The following DLC1 variants were observed in gnomAD, a reference collection of about 807,000 sequenced individuals.
DLC1 encodes rho GTPase-activating protein 7.
A neutral mutation model predicts 140.3 loss-of-function variants in DLC1; 54 were observed. The observed-to-expected ratio is 0.38, with a 90% CI of 0.31 to 0.48. The LOEUF is 0.48. DLC1 is among the 20% of genes least tolerant of loss of function. The pLI, the probability that DLC1 is intolerant of heterozygous loss-of-function variation, is 0.96. For missense variants in DLC1, 2,536 were observed against 1,907.0 expected (o/e 1.33, Z -6.14); for synonymous variants, 986 against 728.1 (o/e 1.35, Z -5.70).
At chr8:13,479,826 GA>G (rs56249124) in intron 2 of DLC1, among the ~76,000 whole-genome samples, 3,908 of 37,294 alleles carry the variant, frequency 0.1, 566 homozygotes, top group African/African-American at 0.21. Flanking sequence ...AGAAGAAGAA[GA>G]AGAAGAAGAA....
At chr8:13,187,796 A>G (rs1826472188) in intron 5 of DLC1, among the ~76,000 whole-genome samples, 1 of 152,196 alleles carries the variant, frequency 6.6e-6, no homozygotes, top group Non-Finnish European at 1.5e-5. Context: ...TATTCACTGC[A>G]TGTTGGACTT....
At chr8:13,540,769 C>G (rs1412452308) in intron 1 of DLC1, among the ~76,000 whole-genome samples, 1 of 152,206 alleles carries the variant, frequency 6.6e-6, no homozygotes, top group East Asian at 1.9e-4. Context: ...ATGGCAATCA[C>G]TCATCTGGGG....
chr8:13,451,012 C>T (rs1403468878), intron 2 of DLC1, among the ~76,000 whole-genome samples: 3 of 102,522 alleles, frequency 2.9e-5, no homozygotes, highest in Non-Finnish European at 5.6e-5. Flanking sequence ...GCACTCCAGC[C>T]TGGTGATAGA....
intron 5 of DLC1, among the ~76,000 whole-genome samples, chr8:13,246,045 G>A (rs1423135154): frequency 6.6e-6 from 1 of 152,094 alleles, no homozygotes; most frequent in Non-Finnish European, 1.5e-5. Flanking sequence ...CTTTAAACAA[G>A]CTGAAGAAAA....
At chr8:13,419,294 G>A (rs1838206699) in intron 2 of DLC1, among the ~76,000 whole-genome samples, 1 of 151,916 alleles carries the variant, frequency 6.6e-6, no homozygotes, top group Admixed American at 6.6e-5. Context: ...TCTTGTGCCA[G>A]TTTTCAAAGG....
intron 2 of DLC1, among the ~76,000 whole-genome samples, chr8:13,412,276 A>G (rs902448257): frequency 6.6e-6 from 1 of 152,204 alleles, no homozygotes; most frequent in Non-Finnish European, 1.5e-5. Flanking sequence ...AGAAATCATG[A>G]CCACACTCAA....
chr8:13,263,425 A>T (rs1830547031), intron 5 of DLC1, among the ~76,000 whole-genome samples: 1 of 152,152 alleles, frequency 6.6e-6, no homozygotes, highest in Non-Finnish European at 1.5e-5. Flanking sequence ...GTTACATTTT[A>T]GCTTGATCTG....
intron 1 of DLC1, among the ~76,000 whole-genome samples, chr8:13,522,726 A>C (rs1802802703): frequency 6.6e-6 from 1 of 152,294 alleles, no homozygotes; most frequent in East Asian, 1.9e-4. Context: ...TGAAAACAGA[A>C]AATGCAGAGC....
At chr8:13,481,595 C>G (rs950398217) in intron 2 of DLC1, among the ~76,000 whole-genome samples, 4 of 152,142 alleles carry the variant, frequency 2.6e-5, no homozygotes, top group African/African-American at 4.8e-5. Flanking sequence ...ATACCAGACT[C>G]CATTAGAATG....
intron 2 of DLC1, among the ~76,000 whole-genome samples, chr8:13,415,613 A>T (rs1021093862): frequency 2.6e-5 from 4 of 151,720 alleles, no homozygotes; most frequent in Non-Finnish European, 5.9e-5. Flanking sequence ...ATTAGCCAGG[A>T]TGGTCTCGAT....
intron 2 of DLC1, among the ~76,000 whole-genome samples, chr8:13,477,733 A>G (rs764969246): frequency 6.6e-6 from 1 of 152,182 alleles, no homozygotes; most frequent in Admixed American, 6.6e-5. Flanking sequence ...GATGGAGACG[A>G]GAAATGAAGA....
intron 2 of DLC1, among the ~76,000 whole-genome samples, chr8:13,441,104 T>C (rs1037181059): frequency 6.6e-6 from 1 of 152,198 alleles, no homozygotes; most frequent in Non-Finnish European, 1.5e-5. Context: ...TCATTCATCA[T>C]CAATACATTT....
chr8:13,338,579 T>C (rs781130904), intron 4 of DLC1: 2 of 152,202 alleles, frequency 1.3e-5, no homozygotes, highest in African/African-American at 2.4e-5. Context: ...CCAATGACTC[T>C]TTTTGTGAAG....
chr8:13,525,566 C>G (rs139816087), intron 1 of DLC1, among the ~76,000 whole-genome samples: 144 of 152,264 alleles, frequency 9.5e-4, no homozygotes, highest in African/African-American at 3.2e-3. Flanking sequence ...GTGGTTTTAA[C>G]TTTCATTTCC....
At chr8:13,482,789 A>C (rs529783819) in intron 2 of DLC1, among the ~76,000 whole-genome samples, 1 of 152,156 alleles carries the variant, frequency 6.6e-6, no homozygotes, top group Non-Finnish European at 1.5e-5. Context: ...TCTTCACTCA[A>C]TCACTCATTC....
At chr8:13,353,486 C>T (rs2444943) in intron 4 of DLC1, 56,622 of 150,904 alleles carry the variant, frequency 0.38, 11,228 homozygotes, top group African/African-American at 0.47. Flanking sequence ...ATGATTAGTT[C>T]TGTGGCAGTG....
At chr8:13,246,712 C>A (rs1033993464) in intron 5 of DLC1, among the ~76,000 whole-genome samples, 65 of 151,890 alleles carry the variant, frequency 4.3e-4, no homozygotes, top group Non-Finnish European at 1.0e-4. Flanking sequence ...ACTTGCATGC[C>A]ATTGCTTCAC....
chr8:13,180,327 A>G (rs932373956), intron 5 of DLC1, among the ~76,000 whole-genome samples: 2 of 152,216 alleles, frequency 1.3e-5, no homozygotes, highest in South Asian at 4.1e-4. Flanking sequence ...CTTGAAGGGA[A>G]GCACCTTTTT....
At chr8:13,133,297 G>C in intron 5 of DLC1, 1 of 1,259,368 alleles carries the variant, frequency 7.9e-7, no homozygotes, top group Non-Finnish European at 1.0e-6. Context: ...ACTGTCTCCC[G>C]CGCGCTCCGC....
Sources: allele counts gnomAD v4.1 joint callset (sites outside exome capture counted in the v4.1 genomes callset), GRCh38; gene constraint gnomAD v4.1.1; transcripts MANE v1.5; gene names NCBI Gene and HGNC (gene_info 2026-07-23, HGNC 2026-07-21).